SNX4: variants seen among roughly 807,000 people sequenced by gnomAD.
SNX4 encodes sorting nexin-4.
Under a neutral mutation model 70.8 loss-of-function variants are expected in SNX4, and 49 were observed. The observed-to-expected ratio is 0.69, with a 90% CI of 0.55 to 0.88. The LOEUF (loss-of-function observed/expected upper bound fraction) is 0.88. Ranked by LOEUF, SNX4 falls within the 40% of genes least tolerant of loss-of-function variation. The pLI is 0.00. For synonymous variants in SNX4, 206 were observed against 183.8 expected (o/e 1.12, Z -0.98); for missense variants, 528 against 544.8 (o/e 0.97, Z 0.31).
intron 6 of SNX4, among the ~76,000 whole-genome samples, chr3:125,485,287 T>C (rs1052989588): frequency 2.0e-5 from 3 of 151,932 alleles, no homozygotes; most frequent in Admixed American, 6.6e-5. Flanking sequence ...GTATAACTTA[T>C]CTATTTTATA....
chr3:125,489,460 C>G lies in SNX4; in HGVS notation c.601G>C (p.Asp201His), dbSNP rs776597280. ...GCATTAAGCGCTTTTAACCTGGAGT[C>G]TGCCTGGAAAAAATAATTTGTTCAC... ...VNETGFQLKA[D>H]SRLKALNATF... Residue 201 changes from aspartate to histidine, a missense_variant, in exon 6 of 14, where the codon GAC (aspartate) becomes CAC (histidine). Transcript: ENST00000251775. 9.9e-6 allele frequency: 16 copies of G among 1,612,252 alleles called. No homozygotes were observed. The highest frequency in any genetic ancestry group is 1.3e-5 in the Non-Finnish European group (15 of 1,178,810).
intron 6 of SNX4, among the ~76,000 whole-genome samples, chr3:125,485,587 C>T (rs756398570): frequency 3.9e-5 from 6 of 152,130 alleles, no homozygotes; most frequent in Non-Finnish European, 7.4e-5. Context: ...CATGAGCCAC[C>T]GTGCCCGGCC....
At chr3:125,467,496 A>G (rs947381082) in intron 9 of SNX4, among the ~76,000 whole-genome samples, 4 of 152,178 alleles carry the variant, frequency 2.6e-5, no homozygotes, top group Non-Finnish European at 5.9e-5. Flanking sequence ...ATGAAAAAAT[A>G]CTCAACATCA....
rs1933459198 is a variant in SNX4, at chr3:125,447,704, T to TAAA, written c.*74_*75insTTT. 6 of 996,136 alleles carry TAAA rather than the reference T, an allele frequency of 6.0e-6. No individual in the cohort carries two copies. The East Asian group carries it at 1.5e-4, about 24-fold the overall frequency. The allele number at this position is 996,136 out of a possible 1,614,324, so 61.7% of individuals were successfully genotyped here. ...GTATATGTTTATGTATACTAGGTAG[T>TAAA]GACTTAAATTTCTTTTATTTACTTG... On this transcript the variant is annotated 3_prime_UTR_variant, in exon 14 of 14. Transcript: ENST00000251775.
At position 125,453,902 on chromosome 3, in the gene SNX4, T is replaced by C; in HGVS notation, c.1098A>G (p.Glu366=). ...TTCTGGCTTCTCTCTGCTCTGGAGT[T>C]TCTTGACCAAAGAGCTTGGTAGTCA... ...KGMTTKLFGQ[E]TPEQREARIK... Residue 366 remains glutamate (E), a synonymous_variant, in exon 12 of 14, where the codon GAA becomes GAG. Coordinates refer to ENST00000251775, the MANE Select transcript of SNX4 (RefSeq NM_003794.4). 6.2e-7 allele frequency: 1 copy of C among 1,614,030 alleles called. No homozygotes were observed. The highest frequency in any genetic ancestry group is 1.1e-5 in the South Asian group (1 of 91,060).
intron 9 of SNX4, 44 bp downstream of exon 9, chr3:125,469,410 C>T: frequency 7.5e-7 from 1 of 1,329,442 alleles, no homozygotes; most frequent in Non-Finnish European, 1.1e-6. Flanking sequence ...TGCTTCACTA[C>T]AGGACTTCAC....
At chr3:125,464,904 C>T (rs1933971484) in intron 9 of SNX4, among the ~76,000 whole-genome samples, 1 of 151,990 alleles carries the variant, frequency 6.6e-6, no homozygotes, top group Admixed American at 6.6e-5. Flanking sequence ...ATCACCACAC[C>T]TGGCTAATAT....
At position 125,520,178 on chromosome 3, in the gene SNX4, C is replaced by G. The variant is rs562000732; in HGVS notation, c.-6G>C. On this transcript the variant is annotated 5_prime_UTR_variant, in exon 1 of 14. Coordinates refer to ENST00000251775, the MANE Select transcript of SNX4 (RefSeq NM_003794.4). Reference sequence around the variant, plus strand: ...TCCGGAGGTGCCTGCTCCATGGCTGCAGTTCGGCGCGGCGAACCCAGTGCG... The same window carrying G: ...TCCGGAGGTGCCTGCTCCATGGCTGGAGTTCGGCGCGGCGAACCCAGTGCG... The G allele has an allele frequency of 1.5e-5, 20 of 1,358,010 alleles. No homozygotes were observed. In the African/African-American group the frequency reaches 2.9e-4, roughly 20 times the overall value. 84.1% of individuals were successfully genotyped at this position (1,358,010 alleles called of 1,614,324 possible).
At chr3:125,492,713 AAC>A (rs985428421) in intron 5 of SNX4, among the ~76,000 whole-genome samples, 184 of 152,318 alleles carry the variant, frequency 1.2e-3, no homozygotes, top group African/African-American at 4.2e-3. Flanking sequence ...GCTCCACAAT[AAC>A]ACAGAGTTTA....
intron 10 of SNX4, among the ~76,000 whole-genome samples, chr3:125,459,378 T>C (rs1579975691): frequency 2.0e-5 from 3 of 152,302 alleles, no homozygotes; most frequent in South Asian, 2.1e-4. Flanking sequence ...CATCTTTCCA[T>C]GTCAACATAC....
At chr3:125,455,920 G>A (rs1933704428) in intron 11 of SNX4, among the ~76,000 whole-genome samples, 1 of 152,314 alleles carries the variant, frequency 6.6e-6, no homozygotes, top group Non-Finnish European at 1.5e-5. Context: ...AGGAGGCTGA[G>A]GCAGGAGAAT....
chr3:125,495,250 T>A (rs367557182), intron 5 of SNX4, among the ~76,000 whole-genome samples: 6 of 38,158 alleles, frequency 1.6e-4, no homozygotes, highest in South Asian at 2.2e-3. Flanking sequence ...CATTCTCTCT[T>A]TATATATATA....
At chr3:125,516,838 C>T (rs748418396) in intron 1 of SNX4, 1 of 152,048 alleles carries the variant, frequency 6.6e-6, no homozygotes, top group Non-Finnish European at 1.5e-5. Flanking sequence ...AAGATTCTGT[C>T]TCAAAAAAGA....
At chr3:125,513,089 T>C (rs1163325776) in intron 1 of SNX4, among the ~76,000 whole-genome samples, 1 of 152,170 alleles carries the variant, frequency 6.6e-6, no homozygotes, top group Non-Finnish European at 1.5e-5. Flanking sequence ...ATGTGTATGT[T>C]AAAATCCTAA....
chr3:125,473,059 T>C (rs1047145860), intron 8 of SNX4, among the ~76,000 whole-genome samples: 2 of 152,166 alleles, frequency 1.3e-5, no homozygotes, highest in Non-Finnish European at 2.9e-5. Flanking sequence ...AGGAAGTACA[T>C]GTACATGTGC....
chr3:125,496,107 T>C (rs749973443), intron 5 of SNX4, among the ~76,000 whole-genome samples: 1 of 152,050 alleles, frequency 6.6e-6, no homozygotes, highest in Non-Finnish European at 1.5e-5. Context: ...CTGGGCAACA[T>C]AGTGAGACCT....
intron 9 of SNX4, among the ~76,000 whole-genome samples, chr3:125,463,558 G>A (rs1278514746): frequency 6.6e-6 from 1 of 152,074 alleles, no homozygotes; most frequent in African/African-American, 2.4e-5. Context: ...GACAACTTAG[G>A]GTTAAACAAA....
intron 11 of SNX4, 66 bp downstream of exon 11, chr3:125,457,196 AGAGT>A (rs1933739924): frequency 2.8e-6 from 3 of 1,066,284 alleles, no homozygotes; most frequent in Admixed American, 1.7e-5. Context: ...TTACTCACTC[AGAGT>A]GAGTGCTTGT....
At chr3:125,498,321 T>C (rs186664757) in intron 2 of SNX4, 127 bp from the exon 3 acceptor site, 27 of 943,254 alleles carry the variant, frequency 2.9e-5, no homozygotes, top group Non-Finnish European at 4.0e-5. Context: ...GAACTTTTCA[T>C]ACATTTTTCT....
Sources: allele counts gnomAD v4.1 joint callset (sites outside exome capture counted in the v4.1 genomes callset), GRCh38; gene constraint gnomAD v4.1.1; transcripts MANE v1.5; gene names NCBI Gene and HGNC (gene_info 2026-07-23, HGNC 2026-07-21).